The following OPCML variants were observed in gnomAD, a reference collection of about 807,000 sequenced individuals.
OPCML encodes the protein opioid binding protein/cell adhesion molecule like, also known as opioid-binding protein/cell adhesion molecule.
A neutral mutation model predicts 37.8 loss-of-function variants in OPCML; 13 were observed. The observed-to-expected ratio is 0.34, with a 90% confidence interval of 0.22 to 0.55. The LOEUF (loss-of-function observed/expected upper bound fraction) is 0.55. Among genes scored for constraint, OPCML ranks in the 20% least tolerant of loss-of-function variants. The pLI, the probability that OPCML is intolerant of heterozygous loss-of-function variation, is 0.91. For synonymous variants in OPCML, 176 were observed against 168.8 expected (o/e 1.04, Z -0.33); for missense variants, 341 against 435.6 (o/e 0.78, Z 1.93).
At chr11:133,044,295 C>T (rs1024265392) in intron 1 of OPCML, among the ~76,000 whole-genome samples, 1 of 152,098 alleles carries the variant, frequency 6.6e-6, no homozygotes, top group Non-Finnish European at 1.5e-5. Flanking sequence ...AGATTCGAGG[C>T]AAAGGATTTC....
intron 3 of OPCML, among the ~76,000 whole-genome samples, chr11:132,613,214 C>A (rs1244401673): frequency 6.6e-6 from 1 of 152,208 alleles, no homozygotes; most frequent in Non-Finnish European, 1.5e-5. Context: ...GAGAAAAGCA[C>A]AGAGCATTGT....
At chr11:133,450,734 C>T (rs1285570118) in intron 1 of OPCML, among the ~76,000 whole-genome samples, 2 of 151,580 alleles carry the variant, frequency 1.3e-5, no homozygotes, top group Non-Finnish European at 2.9e-5. Flanking sequence ...AAAGTGAAGA[C>T]AGTATAGGCA....
chr11:133,358,994 T>TC (rs1790331580), intron 1 of OPCML, among the ~76,000 whole-genome samples: 1 of 149,922 alleles, frequency 6.7e-6, no homozygotes, highest in African/African-American at 2.4e-5. Context: ...AGGGATGATT[T>TC]GGGGGAGGGG....
At chr11:132,889,068 T>C (rs1259580257) in intron 2 of OPCML, among the ~76,000 whole-genome samples, 1 of 152,154 alleles carries the variant, frequency 6.6e-6, no homozygotes, top group Non-Finnish European at 1.5e-5. Context: ...AATGACACTG[T>C]AGGAATGAAA....
At chr11:132,421,655 T>C (rs1268667020) in intron 7 of OPCML, among the ~76,000 whole-genome samples, 2 of 152,254 alleles carry the variant, frequency 1.3e-5, no homozygotes, top group Non-Finnish European at 2.9e-5. Context: ...AAGTCATATT[T>C]ACTTGATAGC....
At chr11:132,611,678 T>G (rs763256868) in intron 3 of OPCML, among the ~76,000 whole-genome samples, 1 of 152,018 alleles carries the variant, frequency 6.6e-6, no homozygotes, top group African/African-American at 2.4e-5. Flanking sequence ...TGGATGTGTG[T>G]GGGGAGAAAG....
intron 1 of OPCML, among the ~76,000 whole-genome samples, chr11:133,438,380 CCAAA>C (rs760322225): frequency 1.3e-5 from 2 of 152,016 alleles, no homozygotes; most frequent in East Asian, 3.9e-4. Context: ...CAGGCAAGAT[CCAAA>C]CAAATAATGA....
chr11:132,501,189 G>A (rs1401338513), intron 4 of OPCML, among the ~76,000 whole-genome samples: 1 of 152,186 alleles, frequency 6.6e-6, no homozygotes, highest in Non-Finnish European at 1.5e-5. Flanking sequence ...GCAGAAAACA[G>A]AAACTGGACC....
intron 4 of OPCML, among the ~76,000 whole-genome samples, chr11:132,520,702 G>GTGTGTGTGTGTGTGTGTGTGTGTGTA (rs150655288): frequency 6.7e-6 from 1 of 149,612 alleles, no homozygotes; most frequent in Non-Finnish European, 1.5e-5. Context: ...GTGTGTGTGT[G>GTGTGTGTGTGTGTGTGTGTGTGTGTA]TATGCATATA....
intron 1 of OPCML, among the ~76,000 whole-genome samples, chr11:133,289,554 C>G (rs1014731814): frequency 1.4e-5 from 2 of 141,234 alleles, no homozygotes; most frequent in Non-Finnish European, 3.0e-5. Flanking sequence ...GAGATCCCGC[C>G]ACTGCACTCC....
intron 2 of OPCML, among the ~76,000 whole-genome samples, chr11:132,821,191 C>G (rs890184775): frequency 6.6e-6 from 1 of 152,312 alleles, no homozygotes; most frequent in East Asian, 1.9e-4. Flanking sequence ...ATGACACTGG[C>G]AGAACGAAGC....
rs532734797 is a variant in OPCML, at chr11:132,881,546, C to G, written c.146+61380G>C. ...ATACATGGTTAGGCTGGGGACACTC[C>G]CAGTAAATGTCTACTCTACGGTTTT... is the stretch of plus-strand genomic sequence containing the variant. On this transcript the variant is annotated intron_variant, in intron 2 of 7. Transcript: ENST00000524381. 7.9e-5 allele frequency among the ~76,000 whole-genome samples: 12 copies of G among 152,044 alleles called. No individual in the cohort carries two copies. In the South Asian group the frequency reaches 2.5e-3, roughly 32 times the overall value.
chr11:132,535,376 A>T (rs1314922665), intron 3 of OPCML, among the ~76,000 whole-genome samples: 1 of 152,136 alleles, frequency 6.6e-6, no homozygotes, highest in Non-Finnish European at 1.5e-5. Flanking sequence ...GGTACAGGAC[A>T]TCAGCACCAT....
chr11:132,934,905 C>T (rs1278586986), intron 2 of OPCML, among the ~76,000 whole-genome samples: 3 of 152,016 alleles, frequency 2.0e-5, no homozygotes, highest in Admixed American at 6.6e-5. Context: ...TTTGGGAGGC[C>T]GGGATGGGGG....
chr11:133,014,794 A>C (rs1213881839), intron 1 of OPCML, among the ~76,000 whole-genome samples: 1 of 152,238 alleles, frequency 6.6e-6, no homozygotes, highest in Non-Finnish European at 1.5e-5. Flanking sequence ...CATTTTGAAC[A>C]TTGGTCATAG....
chr11:132,580,538 C>T (rs895095759), intron 3 of OPCML, among the ~76,000 whole-genome samples: 1 of 152,080 alleles, frequency 6.6e-6, no homozygotes, highest in South Asian at 2.1e-4. Context: ...ACATTATATT[C>T]TTAAGGTGTA....
chr11:132,587,757 T>C (rs1349830419), intron 3 of OPCML, among the ~76,000 whole-genome samples: 1 of 152,154 alleles, frequency 6.6e-6, no homozygotes, highest in Non-Finnish European at 1.5e-5. Flanking sequence ...AATGGAATTG[T>C]GAGTGGCTTC....
intron 2 of OPCML, among the ~76,000 whole-genome samples, chr11:132,811,940 A>G (rs1238085318): frequency 6.6e-6 from 1 of 152,176 alleles, no homozygotes; most frequent in Non-Finnish European, 1.5e-5. Flanking sequence ...TTATCCTCAA[A>G]TTATATTAAT....
rs563343039 is a variant in OPCML at position 132,751,263 on chromosome 11, G to A, written c.147-93944C>T. 1.7e-4 allele frequency among the ~76,000 whole-genome samples: 26 copies of A among 152,072 alleles called. No homozygotes were observed. The South Asian group carries it at 3.1e-3, about 18-fold the overall frequency. Reference sequence around the variant, plus strand: ...TTTTTGGTTTACTCCTTTCCTGCCCGGGGTGTCCACTCCTCCAGCGGTGGT... The same window carrying A: ...TTTTTGGTTTACTCCTTTCCTGCCCAGGGTGTCCACTCCTCCAGCGGTGGT... On this transcript the variant is annotated intron_variant, in intron 2 of 7. Transcript: ENST00000524381.
Sources: allele counts gnomAD v4.1 joint callset (sites outside exome capture counted in the v4.1 genomes callset), GRCh38; gene constraint gnomAD v4.1.1; transcripts MANE v1.5; gene names NCBI Gene and HGNC (gene_info 2026-07-23, HGNC 2026-07-21).